The following STAU1 variants were observed in gnomAD, a reference collection of about 807,000 sequenced individuals.
STAU1 encodes the protein double-stranded RNA-binding protein Staufen homolog 1.
STAU1 carries 13 observed loss-of-function variants against 62.9 expected under a neutral mutation model. The observed-to-expected ratio is 0.21, with a 90% confidence interval of 0.13 to 0.33. STAU1 has a LOEUF of 0.33. Among genes scored for constraint, STAU1 ranks in the 10% least tolerant of loss-of-function variants. The probability of loss-of-function intolerance (pLI) is 1.00; values close to 1 mark genes in which losing one functional copy is unlikely to be tolerated. For synonymous variants in STAU1, 269 were observed against 265.1 expected, an observed-to-expected ratio of 1.01 and a Z score of -0.14; for missense variants, 571 against 712.1, an observed-to-expected ratio of 0.80 and a Z score of 2.25.
intron 1 of STAU1, chr20:49,179,311 T>C (rs546457680): frequency 2.0e-5 from 3 of 152,230 alleles, no homozygotes; most frequent in Admixed American, 1.3e-4. Flanking sequence ...AAAAGAAAGC[T>C]TATTTCACTT....
chr20:49,124,391 G>C lies in STAU1; in HGVS notation c.806C>G (p.Thr269Arg). ...ERVKPRIKKKTKPIVKPQTSP... is the reference protein window; with the variant it reads ...ERVKPRIKKKRKPIVKPQTSP... ...AGTTCTCACCTTGACTATGGGTTTT[G>C]TTTTCTTTTTGATTCTAGGCTTTAC... is the stretch of plus-strand genomic sequence containing the variant. The change falls in exon 7 of 14, where the codon ACA becomes AGA. Residue 269 changes from threonine (T) to arginine (R), a missense_variant. Around this residue, in one of 3 missense-constraint regions of STAU1, gnomAD observed 414 missense variants for 499.6 expected, o/e 0.83. Transcript: ENST00000371856. 6.2e-7 allele frequency: 1 copy of C among 1,613,954 alleles called. No homozygotes were observed. The highest frequency in any genetic ancestry group is 8.5e-7 in the Non-Finnish European group (1 of 1,179,996).
rs2092812525 is a variant in STAU1 at position 49,134,008 on chromosome 20, A to G, written c.609+1825T>C. Among the ~76,000 whole-genome samples the G allele has an allele frequency of 2.0e-5, 3 of 152,328 alleles. No individual in the cohort carries two copies. In the South Asian group the frequency reaches 6.2e-4, roughly 32 times the overall value. ...TGTAACTGTAAAGAATACTTCAAAG[A>G]TATTTTACAGGAATATAAGCTTCAG... is the stretch of plus-strand genomic sequence containing the variant. On this transcript the variant is annotated intron_variant, in intron 6 of 13. Coordinates refer to ENST00000371856, the MANE Select transcript of STAU1 (RefSeq NM_017453.4).
chr20:49,125,643 G>A (rs937765780), intron 6 of STAU1, among the ~76,000 whole-genome samples: 26 of 151,410 alleles, frequency 1.7e-4, no homozygotes, highest in African/African-American at 5.8e-4. Flanking sequence ...TCAGGAGATC[G>A]AGACCATCCT....
chr20:49,166,422 C>A, intron 2 of STAU1, 137 bp from the exon 3 acceptor site: 1 of 546,268 alleles, frequency 1.8e-6, no homozygotes, highest in East Asian at 3.1e-5. Context: ...TTGATTTATT[C>A]GAAATATGTT....
chr20:49,132,426 G>A lies in STAU1; in HGVS notation c.609+3407C>T, dbSNP rs1247649432. ...TGTCTCCCGATGACCGTATCCATCAGCACCATCACATTTTCTAACTAAAAC... is the reference window on the plus strand; with the variant it reads ...TGTCTCCCGATGACCGTATCCATCAACACCATCACATTTTCTAACTAAAAC... On this transcript the variant is annotated intron_variant, in intron 6 of 13. Coordinates refer to ENST00000371856, the MANE Select transcript of STAU1 (RefSeq NM_017453.4). 2.6e-5 allele frequency among the ~76,000 whole-genome samples: 4 copies of A among 152,182 alleles called. No individual in the cohort carries two copies. In the East Asian group the frequency reaches 7.7e-4, roughly 29 times the overall value.
chr20:49,212,194 G>T, the STAU1 span, among the ~76,000 whole-genome samples: 1 of 152,142 alleles, frequency 6.6e-6, no homozygotes, highest in Non-Finnish European at 1.5e-5. Context: ...TTGCCATGTT[G>T]CCCAGGCTGG....
chr20:49,172,112 C>T (rs2093604579), intron 2 of STAU1, among the ~76,000 whole-genome samples: 1 of 152,202 alleles, frequency 6.6e-6, no homozygotes, highest in Admixed American at 6.5e-5. Flanking sequence ...CTGTCTCACA[C>T]TTGGCCCAAT....
chr20:49,189,619 CAAAAAAA>C (rs71186430), upstream of STAU1, among the ~76,000 whole-genome samples: 4 of 55,338 alleles, frequency 7.2e-5, no homozygotes, highest in South Asian at 7.9e-4. Flanking sequence ...GACTCTGTCT[CAAAAAAA>C]AAAAAAAAAA....
intron 1 of STAU1, among the ~76,000 whole-genome samples, chr20:49,174,889 G>A (rs553485468): frequency 6.9e-6 from 1 of 144,586 alleles, no homozygotes; most frequent in African/African-American, 2.6e-5. Flanking sequence ...AGCAGAGATC[G>A]CACCACTGCA....
chr20:49,165,936 A>G, intron 3 of STAU1, 61 bp downstream of exon 3: 3 of 1,560,798 alleles, frequency 1.9e-6, no homozygotes, highest in African/African-American at 2.7e-5. Context: ...GCAACCTATC[A>G]GATCAGAAAA....
At chr20:49,162,798 T>C (rs1450451741) in intron 3 of STAU1, among the ~76,000 whole-genome samples, 2 of 148,314 alleles carry the variant, frequency 1.3e-5, no homozygotes, top group African/African-American at 5.0e-5. Context: ...AACAGATTTA[T>C]AAAGTAAAGG....
rs1568890138 is a variant in STAU1 at position 49,153,936 on chromosome 20, G to A, written c.341C>T (p.Pro114Leu). Residue 114 changes from proline to leucine, a missense_variant, in exon 4 of 14, where the codon CCG becomes CTG. Physicochemically the swap from Pro to Leu is moderately conservative, Grantham distance 98. Transcript: ENST00000371856. ...AAAAAAAAAAAAAAACACATACCTC[G>A]GGGGATAAGCACCTCCTCTCATGTT... Reference protein sequence around the residue: ...NYNMRGGAYPPRYFYPFPVPP... With the variant: ...NYNMRGGAYPLRYFYPFPVPP... The A allele has an allele frequency of 1.3e-6, 2 of 1,581,064 alleles. No individual in the cohort carries two copies. The highest frequency in any genetic ancestry group is 2.0e-5 in the Admixed American group (1 of 49,486).
chr20:49,208,248 C>T, the STAU1 span, among the ~76,000 whole-genome samples: 2 of 151,990 alleles, frequency 1.3e-5, no homozygotes, highest in Non-Finnish European at 2.9e-5. Flanking sequence ...TTAGTAGAGA[C>T]GGGGTTTCAC....
intron 8 of STAU1, 57 bp from the exon 9 acceptor site, chr20:49,120,185 G>A: frequency 6.4e-7 from 1 of 1,553,200 alleles, no homozygotes; most frequent in Non-Finnish European, 8.7e-7. Flanking sequence ...TAACAACCAG[G>A]CAGGAATTGG....
the STAU1 span, among the ~76,000 whole-genome samples, chr20:49,195,913 A>G: frequency 4.6e-4 from 37 of 80,196 alleles, no homozygotes; most frequent in East Asian, 1.7e-3. Context: ...AAAAAAAAAA[A>G]AAAAGAAAAA....
At chr20:49,131,556 AAGC>A (rs1324120271) in intron 6 of STAU1, among the ~76,000 whole-genome samples, 1 of 152,112 alleles carries the variant, frequency 6.6e-6, no homozygotes, top group African/African-American at 2.4e-5. Flanking sequence ...GAAAAAGAAA[AAGC>A]AGGCTGGGTG....
intron 3 of STAU1, among the ~76,000 whole-genome samples, chr20:49,155,145 C>G (rs1283501075): frequency 1.3e-5 from 2 of 151,838 alleles, no homozygotes; most frequent in African/African-American, 4.8e-5. Context: ...ACAAAGCACA[C>G]TCAAAGAGTT....
chr20:49,118,418 G>C lies in STAU1; in HGVS notation c.1114-10C>G. On this transcript the variant is annotated splice_polypyrimidine_tract_variant and intron_variant, in intron 9 of 13. Coordinates refer to ENST00000371856, the MANE Select transcript of STAU1 (RefSeq NM_017453.4). ...GTTTCTTTATGGGTGTCTTAAAAAAGAAGAAGAAAAAAAAAAGGCCATGAG... is the reference window on the plus strand; with the variant it reads ...GTTTCTTTATGGGTGTCTTAAAAAACAAGAAGAAAAAAAAAAGGCCATGAG... 1 of 1,565,864 alleles carries C rather than the reference G, an allele frequency of 6.4e-7. No homozygotes were observed. The highest frequency in any genetic ancestry group is 1.2e-5 in the South Asian group (1 of 85,810).
the STAU1 span, among the ~76,000 whole-genome samples, chr20:49,194,812 C>A: frequency 6.6e-6 from 1 of 152,012 alleles, no homozygotes; most frequent in South Asian, 2.1e-4. Flanking sequence ...CTCCTGACCT[C>A]AAGTGATCCA....
Sources: gnomAD v4.1 joint callset for allele counts (sites outside exome capture counted in the v4.1 genomes callset) on GRCh38, gnomAD v4.1.1 for gene constraint, gnomAD v4.1.1 regional missense constraint, MANE v1.5 for transcripts, NCBI Gene and HGNC (gene_info 2026-07-23, HGNC 2026-07-21) for gene names.